The following FKBP5 variants were observed in gnomAD, a reference collection of about 807,000 sequenced individuals.
FKBP5 encodes the protein FKBP prolyl isomerase 5.
In FKBP5, 23 loss-of-function variants were observed where a neutral mutation model predicts 50.5. The observed-to-expected ratio is 0.46, with a 90% confidence interval of 0.33 to 0.65. The LOEUF is 0.65. Among genes scored for constraint, FKBP5 ranks in the 30% least tolerant of loss-of-function variants. The pLI is 0.02. For synonymous variants in FKBP5, 176 were observed against 190.6 expected, an observed-to-expected ratio of 0.92 and a Z score of 0.63; for missense variants, 411 against 553.1, an observed-to-expected ratio of 0.74 and a Z score of 2.58.
upstream of FKBP5, among the ~76,000 whole-genome samples, chr6:35,693,595 C>T (rs1485614092): frequency 6.6e-6 from 1 of 152,126 alleles, no homozygotes; most frequent in Non-Finnish European, 1.5e-5. Context: ...TCTCAGCTCA[C>T]TGCAACCTCC....
chr6:35,673,761 A>G (rs1344866190), intron 1 of FKBP5, among the ~76,000 whole-genome samples: 1 of 152,180 alleles, frequency 6.6e-6, no homozygotes, highest in East Asian at 1.9e-4. Flanking sequence ...TTATTATCAT[A>G]TAGTTCCTGG....
At chr6:35,587,473 C>T (rs1347049644) in intron 7 of FKBP5, among the ~76,000 whole-genome samples, 1 of 152,248 alleles carries the variant, frequency 6.6e-6, no homozygotes, top group Non-Finnish European at 1.5e-5. Flanking sequence ...CTGCAAACCT[C>T]TCCACTAGGC....
intron 3 of FKBP5, among the ~76,000 whole-genome samples, chr6:35,625,976 T>A (rs1763986018): frequency 6.6e-6 from 1 of 151,452 alleles, no homozygotes; most frequent in Non-Finnish European, 1.5e-5. Flanking sequence ...AGATGGAGTT[T>A]CATCGTGTTA....
intron 1 of FKBP5, among the ~76,000 whole-genome samples, chr6:35,665,313 G>A (rs1765184638): frequency 6.7e-6 from 1 of 148,678 alleles, no homozygotes; most frequent in African/African-American, 2.5e-5. Flanking sequence ...TTTTTTAGAG[G>A]AGTCTCACTC....
At chr6:35,607,456 G>C (rs1340489222) in intron 5 of FKBP5, among the ~76,000 whole-genome samples, 1 of 149,928 alleles carries the variant, frequency 6.7e-6, no homozygotes, top group African/African-American at 2.5e-5. Context: ...ATCCCACCTT[G>C]GCCTCCCAAA....
At chr6:35,707,587 GT>G in intron 2 of FKBP5, among the ~76,000 whole-genome samples, 1 of 152,022 alleles carries the variant, frequency 6.6e-6, no homozygotes, top group South Asian at 2.1e-4. Context: ...ACATGTGCAG[GT>G]TTGTAATATA....
chr6:35,584,566 T>C lies in FKBP5; in HGVS notation c.840+2468A>G, dbSNP rs1762543098. ...AACCTGCCCTGAGTTGGGAAGGGAATATGTACAGGAAACTATCTACTAACC... is the reference window on the plus strand; with the variant it reads ...AACCTGCCCTGAGTTGGGAAGGGAACATGTACAGGAAACTATCTACTAACC... On this transcript the variant is annotated intron_variant, in intron 8 of 10. Coordinates refer to ENST00000357266, the MANE Select transcript of FKBP5 (RefSeq NM_004117.4). 3.0e-6 allele frequency: 3 copies of C among 985,370 alleles called. No homozygotes were observed. The African/African-American group carries it at 5.2e-5, about 17-fold the overall frequency. 61.0% of individuals were successfully genotyped at this position (985,370 alleles called of 1,614,324 possible).
intron 2 of FKBP5, among the ~76,000 whole-genome samples, chr6:35,694,506 C>T (rs1225411165): frequency 1.3e-5 from 2 of 152,156 alleles, no homozygotes; most frequent in Non-Finnish European, 2.9e-5. Context: ...ATGTTTTGGA[C>T]ATTGTATTTT....
chr6:35,699,303 T>C (rs1170027622), intron 2 of FKBP5, among the ~76,000 whole-genome samples: 1 of 152,158 alleles, frequency 6.6e-6, no homozygotes, highest in Admixed American at 6.5e-5. Context: ...AATATGGAAA[T>C]TGTCAGGCCT....
At chr6:35,627,491 G>A (rs933993382) in intron 3 of FKBP5, among the ~76,000 whole-genome samples, 1 of 152,032 alleles carries the variant, frequency 6.6e-6, no homozygotes, top group Non-Finnish European at 1.5e-5. Context: ...TTGAGTTATA[G>A]GAGTTGTTTG....
At chr6:35,644,810 AG>A (rs747198051) in intron 1 of FKBP5, among the ~76,000 whole-genome samples, 8 of 152,318 alleles carry the variant, frequency 5.3e-5, no homozygotes, top group East Asian at 1.9e-4. Context: ...CAGAGGGAAA[AG>A]ATCTCTTAAA....
chr6:35,672,742 G>T (rs1296782702), intron 1 of FKBP5, among the ~76,000 whole-genome samples: 1 of 146,326 alleles, frequency 6.8e-6, no homozygotes, highest in African/African-American at 2.5e-5. Context: ...TGGCTAACAC[G>T]GTGAAAACTT....
intron 2 of FKBP5, among the ~76,000 whole-genome samples, chr6:35,638,906 T>C (rs978180586): frequency 6.6e-6 from 1 of 152,198 alleles, no homozygotes; most frequent in African/African-American, 2.4e-5. Flanking sequence ...TCTGCATTTC[T>C]AGGACTATAA....
intron 1 of FKBP5, among the ~76,000 whole-genome samples, chr6:35,721,448 AC>A (rs1766609212): frequency 6.6e-6 from 1 of 150,516 alleles, no homozygotes; most frequent in Non-Finnish European, 1.5e-5. Flanking sequence ...ATATACACAC[AC>A]CCCAAAATAG....
At chr6:35,623,309 C>T (rs1298116777) in intron 3 of FKBP5, among the ~76,000 whole-genome samples, 1 of 152,168 alleles carries the variant, frequency 6.6e-6, no homozygotes, top group African/African-American at 2.4e-5. Context: ...GTGCCCGGCA[C>T]ATAATATGTA....
intron 2 of FKBP5, among the ~76,000 whole-genome samples, chr6:35,715,126 C>T (rs1766490254): frequency 6.6e-6 from 1 of 152,190 alleles, no homozygotes. Context: ...TCTTGAACTC[C>T]TGGCCTCAGG....
intron 5 of FKBP5, among the ~76,000 whole-genome samples, chr6:35,617,061 G>A (rs1404341218): frequency 6.6e-6 from 1 of 152,116 alleles, no homozygotes; most frequent in Non-Finnish European, 1.5e-5. Flanking sequence ...CCTGAGGCCA[G>A]GGCTGAGGCT....
At chr6:35,694,444 G>A (rs1203370731) in intron 2 of FKBP5, among the ~76,000 whole-genome samples, 1 of 152,130 alleles carries the variant, frequency 6.6e-6, no homozygotes, top group Non-Finnish European at 1.5e-5. Flanking sequence ...ACCACTCCCT[G>A]CCCCATTATC....
intron 1 of FKBP5, among the ~76,000 whole-genome samples, chr6:35,727,343 C>T (rs1766735477): frequency 6.6e-6 from 1 of 152,188 alleles, no homozygotes; most frequent in African/African-American, 2.4e-5. Flanking sequence ...AAGGAGAAAA[C>T]GTGGCTCTGA....
Sources: allele counts gnomAD v4.1 joint callset (sites outside exome capture counted in the v4.1 genomes callset), GRCh38; gene constraint gnomAD v4.1.1; transcripts MANE v1.5; gene names NCBI Gene and HGNC (gene_info 2026-07-23, HGNC 2026-07-21).